MMS19: variants seen among roughly 807,000 people sequenced by gnomAD.
MMS19 encodes MMS19 nucleotide excision repair protein homolog.
A neutral mutation model predicts 129.8 loss-of-function variants in MMS19; 77 were observed. The observed-to-expected ratio is 0.59, with a 90% CI of 0.49 to 0.72. The LOEUF (loss-of-function observed/expected upper bound fraction) is 0.72. Ranked by LOEUF, MMS19 falls within the 30% of genes least tolerant of loss-of-function variation. The pLI is 0.00. For synonymous variants in MMS19, 491 were observed against 502.8 expected, an observed-to-expected ratio of 0.98 and a Z score of 0.31; for missense variants, 1,168 against 1,266.3, an observed-to-expected ratio of 0.92 and a Z score of 1.18.
intron 1 of MMS19, among the ~76,000 whole-genome samples, chr10:97,491,905 C>T (rs2038956171): frequency 6.6e-6 from 1 of 151,366 alleles, no homozygotes; most frequent in Non-Finnish European, 1.5e-5. Context: ...CTCTGGGAGG[C>T]CGAGGTGGGT....
chr10:97,473,331 C>T lies in MMS19; in HGVS notation c.685-2470G>A, dbSNP rs561848343. ...GATTACAGGTGTGAGCCACTGCGCC[C>T]GGCCTAGAATTTCTATTCTTGAATT... On this transcript the variant is annotated intron_variant, in intron 8 of 30. Coordinates refer to ENST00000438925, the MANE Select transcript of MMS19 (RefSeq NM_022362.5). Among the ~76,000 whole-genome samples, 9 of 152,156 alleles carry T rather than the reference C, an allele frequency of 5.9e-5. No homozygotes were observed. The South Asian group carries it at 1.0e-3, about 18-fold the overall frequency.
At chr10:97,467,830 A>ATTTTT (rs1285490114) in intron 13 of MMS19, among the ~76,000 whole-genome samples, 1 of 137,396 alleles carries the variant, frequency 7.3e-6, no homozygotes. Context: ...TATCCAGCTA[A>ATTTTT]TTTTTTTTTT....
chr10:97,490,006 TG>T (rs1251205057), intron 1 of MMS19, among the ~76,000 whole-genome samples: 3 of 152,230 alleles, frequency 2.0e-5, no homozygotes, highest in Non-Finnish European at 4.4e-5. Context: ...CTCTTTTATT[TG>T]TAAGGTATTC....
chr10:97,468,067 T>G (rs1261411959), intron 13 of MMS19, among the ~76,000 whole-genome samples, 185 bp downstream of exon 13: 1 of 152,002 alleles, frequency 6.6e-6, no homozygotes, highest in East Asian at 1.9e-4. Flanking sequence ...CCTCCTGTCT[T>G]GGGAGAATGA....
At chr10:97,467,699 C>A in intron 13 of MMS19, 116 bp from the exon 14 acceptor site, 1 of 922,518 alleles carries the variant, frequency 1.1e-6, no homozygotes, top group Non-Finnish European at 1.7e-6. Context: ...TTTTGCTATG[C>A]CACAGCCAGG....
chr10:97,460,630 A>G, intron 25 of MMS19, 65 bp downstream of exon 25: 1 of 1,329,432 alleles, frequency 7.5e-7, no homozygotes, highest in Non-Finnish European at 1.1e-6. Flanking sequence ...AGTCCTTGGG[A>G]GGAATAGGAG....
At chr10:97,467,028 G>C in intron 14 of MMS19, 127 bp from the exon 15 acceptor site, 1 of 1,012,548 alleles carries the variant, frequency 9.9e-7, no homozygotes, top group Middle Eastern at 3.2e-4. Flanking sequence ...GCCCAGGCTG[G>C]AGTGCAGTGG....
intron 3 of MMS19, 92 bp downstream of exon 3, chr10:97,480,850 C>G (rs2036662239): frequency 1.2e-6 from 1 of 810,660 alleles, no homozygotes; most frequent in Non-Finnish European, 2.1e-6. Flanking sequence ...TACTTTAAGC[C>G]CTCCCTCCCT....
intron 18 of MMS19, among the ~76,000 whole-genome samples, chr10:97,464,462 GGCT>G (rs1338314429): frequency 6.6e-6 from 1 of 152,174 alleles, no homozygotes; most frequent in Non-Finnish European, 1.5e-5. Flanking sequence ...CCACAGGGCA[GGCT>G]GCTGTCACTT....
intron 1 of MMS19, among the ~76,000 whole-genome samples, chr10:97,493,000 G>A (rs1261109964): frequency 6.6e-6 from 1 of 151,912 alleles, no homozygotes; most frequent in East Asian, 1.9e-4. Flanking sequence ...GGAGCAGAAA[G>A]ACAAACATTC....
At position 97,478,290 on chromosome 10, in the gene MMS19, GAAGGA is replaced by G; in HGVS notation, c.348+9_348+13del. 5.7e-6 allele frequency: 9 copies of G among 1,578,262 alleles called. 1 individual carries two copies. On this transcript the variant is annotated intron_variant, in intron 4 of 30. Coordinates refer to ENST00000438925, the MANE Select transcript of MMS19 (RefSeq NM_022362.5). ...CTTGAACAAAGTTATGTAATGAAAT[GAAGGA>G]AAACTCACAAGTGCCTTCAAACCCT...
At chr10:97,463,815 G>A (rs767803820) in intron 19 of MMS19, 43 bp downstream of exon 19, 2 of 1,584,102 alleles carry the variant, frequency 1.3e-6, no homozygotes. Flanking sequence ...CACCAGCAGA[G>A]GGCAAAGTTC....
At chr10:97,475,342 G>A (rs2035544603) in intron 8 of MMS19, among the ~76,000 whole-genome samples, 1 of 152,164 alleles carries the variant, frequency 6.6e-6, no homozygotes, top group Non-Finnish European at 1.5e-5. Flanking sequence ...TAACTTGGTT[G>A]ATTATGGAGA....
At position 97,461,997 on chromosome 10, in the gene MMS19, G is replaced by C; in HGVS notation, c.2115+20C>G. On this transcript the variant is annotated intron_variant, in intron 21 of 30. Transcript: ENST00000438925. ...CTAAAAAAAAACCAGCTTGAAGGAT[G>C]TAAGTTCTAAGACTGTTACCTGGAA... The C allele has an allele frequency of 6.3e-7, 1 of 1,575,140 alleles. No homozygotes were observed. Among genetic ancestry groups the C allele is most frequent in the South Asian group, 1.2e-5 (1 of 85,700 alleles).
intron 15 of MMS19, 63 bp downstream of exon 15, chr10:97,466,713 C>A: frequency 1.2e-6 from 2 of 1,610,076 alleles, no homozygotes; most frequent in Non-Finnish European, 1.7e-6. Flanking sequence ...GGCTGCTTTT[C>A]ACCAAGGCAG....
chr10:97,460,245 G>C lies in MMS19; in HGVS notation c.2470-13C>G, dbSNP rs2031389667. The C allele has an allele frequency of 1.9e-6, 3 of 1,607,488 alleles. No individual in the cohort carries two copies. The highest frequency in any genetic ancestry group is 1.7e-4 in the Middle Eastern group (1 of 6,048). ...GGAGGCCCATGAGCTGGAGAAAAAA[G>C]AGCCTTTGAGGTACATCAGGGAAGA... On this transcript the variant is annotated splice_polypyrimidine_tract_variant and intron_variant, in intron 25 of 30. Coordinates refer to ENST00000438925, the MANE Select transcript of MMS19 (RefSeq NM_022362.5).
At position 97,469,640 on chromosome 10, in the gene MMS19, A is replaced by C; in HGVS notation, c.924+6T>G. 6.2e-7 allele frequency: 1 copy of C among 1,611,130 alleles called. No individual in the cohort carries two copies. Among genetic ancestry groups the C allele is most frequent in the South Asian group, 1.1e-5 (1 of 91,020 alleles). ...ACAGTAGTGAGTTTATCTGAGTGACACTCACCTCTCTGCGGATAGAAGCCC... is the reference window on the plus strand; with the variant it reads ...ACAGTAGTGAGTTTATCTGAGTGACCCTCACCTCTCTGCGGATAGAAGCCC... On this transcript the variant is annotated splice_donor_region_variant and intron_variant, in intron 11 of 30. Transcript: ENST00000438925.
In MMS19 at chr10:97,458,475, C is replaced by G. The variant is rs1273104885; in HGVS notation, c.*217G>C. The G allele has an allele frequency of 3.5e-6, 2 of 567,514 alleles. No homozygotes were observed. 35.2% of individuals were successfully genotyped at this position (567,514 alleles called of 1,614,324 possible). A position where few individuals can be genotyped will look rare whatever the true frequency, so the allele number is the denominator to read the frequency against. ...AGACCCAGGACCCTAGATCTTTCTTCAAACGCAAGTGTCTCACACACACTT... is the reference window on the plus strand; with the variant it reads ...AGACCCAGGACCCTAGATCTTTCTTGAAACGCAAGTGTCTCACACACACTT... On this transcript the variant is annotated 3_prime_UTR_variant, in exon 31 of 31. Coordinates refer to ENST00000438925, the MANE Select transcript of MMS19 (RefSeq NM_022362.5).
At position 97,467,421 on chromosome 10, in the gene MMS19, T is replaced by C. The variant is rs908024563; in HGVS notation, c.1297+84A>G. On this transcript the variant is annotated intron_variant, in intron 14 of 30. Transcript: ENST00000438925. Reference sequence around the variant, plus strand: ...TAGGACCACTGTTCTAGACTACTTTTCCACAGCACTCTTTGCCCTGCTATC... The same window carrying C: ...TAGGACCACTGTTCTAGACTACTTTCCCACAGCACTCTTTGCCCTGCTATC... 4.8e-6 allele frequency: 5 copies of C among 1,035,826 alleles called. No individual in the cohort carries two copies. The Admixed American group carries it at 9.9e-5, about 21-fold the overall frequency. The allele number at this position is 1,035,826 out of a possible 1,614,324, so 64.2% of individuals were successfully genotyped here. A position where few individuals can be genotyped will look rare whatever the true frequency, so the allele number is the denominator to read the frequency against.
Sources: gnomAD v4.1 joint callset for allele counts (sites outside exome capture counted in the v4.1 genomes callset) on GRCh38, gnomAD v4.1.1 for gene constraint, MANE v1.5 for transcripts, NCBI Gene and HGNC (gene_info 2026-07-23, HGNC 2026-07-21) for gene names.